The following CSMD2 variants were observed in gnomAD, a reference collection of about 807,000 sequenced individuals.
CSMD2 encodes the protein CUB and sushi domain-containing protein 2.
A neutral mutation model predicts 398.5 loss-of-function variants in CSMD2; 130 were observed. That is an observed-to-expected ratio of 0.33 (90% CI 0.28 to 0.38). CSMD2 has a LOEUF of 0.38. Among genes scored for constraint, CSMD2 ranks in the 10% least tolerant of loss-of-function variants. CSMD2 has a pLI of 1.00. For synonymous variants in CSMD2, 1,828 were observed against 1,908.5 expected (o/e 0.96, Z 1.10); for missense variants, 3,829 against 4,764.9 (o/e 0.80, Z 5.78).
At chr1:33,882,603 G>A (rs1014725434) in intron 5 of CSMD2, among the ~76,000 whole-genome samples, 2 of 152,184 alleles carry the variant, frequency 1.3e-5, no homozygotes, top group African/African-American at 2.4e-5. Flanking sequence ...CCCCATTAAT[G>A]CCATGAGTTC....
At chr1:34,102,523 C>A (rs1660054426) in intron 1 of CSMD2, among the ~76,000 whole-genome samples, 1 of 152,132 alleles carries the variant, frequency 6.6e-6, no homozygotes, top group Non-Finnish European at 1.5e-5. Context: ...CTGTCCACCT[C>A]TTCTCCTATC....
chr1:33,786,286 T>C (rs775679376), intron 12 of CSMD2, among the ~76,000 whole-genome samples: 1 of 152,182 alleles, frequency 6.6e-6, no homozygotes. Flanking sequence ...GAGGATGACA[T>C]GGAATCATTT....
chr1:34,120,428 A>G (rs1662059235), intron 1 of CSMD2, among the ~76,000 whole-genome samples: 1 of 152,252 alleles, frequency 6.6e-6, no homozygotes, highest in Non-Finnish European at 1.5e-5. Context: ...TGGTTAAGAC[A>G]GTAAATTTTA....
rs148396560 is a variant in CSMD2, at chr1:33,564,694, T to C, written c.8380+2899A>G. Reference sequence around the variant, plus strand: ...CTGGGACTACAAGCACAAGCTACAATATCTGGCTTGGGTCTTGCTTTCTGT... The same window carrying C: ...CTGGGACTACAAGCACAAGCTACAACATCTGGCTTGGGTCTTGCTTTCTGT... On this transcript the variant is annotated intron_variant, in intron 53 of 70. Transcript: ENST00000373381. Among the ~76,000 whole-genome samples, 1,293 of 152,316 alleles carry C rather than the reference T, an allele frequency of 8.5e-3. 14 individuals are homozygous for C. Among genetic ancestry groups the C allele is most frequent in the African/African-American group, 0.029 (1,206 of 41,564 alleles).
At chr1:33,681,526 G>A (rs1428758905) in intron 25 of CSMD2, among the ~76,000 whole-genome samples, 2 of 152,142 alleles carry the variant, frequency 1.3e-5, no homozygotes, top group African/African-American at 4.8e-5. Context: ...AGGGACTAGA[G>A]GCCCAAGTTA....
At chr1:33,888,220 G>A (rs1350862346) in intron 5 of CSMD2, among the ~76,000 whole-genome samples, 1 of 152,072 alleles carries the variant, frequency 6.6e-6, no homozygotes, top group Non-Finnish European at 1.5e-5. Flanking sequence ...AAATTTCAAC[G>A]AAAGTCACAG....
At chr1:34,021,329 C>G (rs558785442) in intron 3 of CSMD2, among the ~76,000 whole-genome samples, 24 of 152,316 alleles carry the variant, frequency 1.6e-4, no homozygotes, top group African/African-American at 5.5e-4. Flanking sequence ...CCAACAGGGT[C>G]ACCTGACCCA....
chr1:34,103,447 C>T (rs1032026762), intron 1 of CSMD2, among the ~76,000 whole-genome samples: 12 of 152,012 alleles, frequency 7.9e-5, no homozygotes, highest in Middle Eastern at 3.4e-3. Flanking sequence ...TACCGGCACC[C>T]GCCACCACGC....
intron 1 of CSMD2, among the ~76,000 whole-genome samples, chr1:34,157,504 C>T (rs1640914175): frequency 6.6e-6 from 1 of 150,816 alleles, no homozygotes; most frequent in Non-Finnish European, 1.5e-5. Flanking sequence ...ATACATCTCA[C>T]CTCCCCTCCA....
intron 2 of CSMD2, among the ~76,000 whole-genome samples, chr1:34,051,085 A>C (rs1293637517): frequency 6.6e-6 from 1 of 152,228 alleles, no homozygotes. Context: ...CCAAACAGAA[A>C]TGGGACTGCT....
intron 44 of CSMD2, among the ~76,000 whole-genome samples, chr1:33,596,553 A>G (rs1317181882): frequency 6.6e-6 from 1 of 152,208 alleles, no homozygotes; most frequent in East Asian, 1.9e-4. Flanking sequence ...ATGGCTGGGG[A>G]GGCCTTAGGA....
chr1:33,525,670 T>C, intron 65 of CSMD2, among the ~76,000 whole-genome samples: 1 of 152,210 alleles, frequency 6.6e-6, no homozygotes, highest in East Asian at 1.9e-4. Context: ...TATTGTACAT[T>C]TCAAAATTGC....
At chr1:34,155,137 T>A (rs1356370362) in intron 1 of CSMD2, among the ~76,000 whole-genome samples, 3 of 152,166 alleles carry the variant, frequency 2.0e-5, no homozygotes, top group Non-Finnish European at 1.5e-5. Context: ...ACTTTGTAAA[T>A]AAGAGAGAAG....
intron 28 of CSMD2, among the ~76,000 whole-genome samples, chr1:33,648,896 A>G (rs1308879988): frequency 6.6e-6 from 1 of 152,198 alleles, no homozygotes; most frequent in African/African-American, 2.4e-5. Context: ...TCTTCCGTTA[A>G]TAAAGTAAAA....
chr1:33,790,061 C>G (rs527712731), intron 11 of CSMD2, among the ~76,000 whole-genome samples: 1 of 152,260 alleles, frequency 6.6e-6, no homozygotes, highest in South Asian at 2.1e-4. Flanking sequence ...TGTCAAAGCA[C>G]ATTGGGATTG....
At chr1:33,942,584 C>T (rs1229237322) in intron 3 of CSMD2, among the ~76,000 whole-genome samples, 2 of 152,242 alleles carry the variant, frequency 1.3e-5, no homozygotes, top group African/African-American at 4.8e-5. Flanking sequence ...GATTCTGCAA[C>T]CTTCAGCATC....
At chr1:33,594,476 C>CA (rs2148779502) in intron 44 of CSMD2, among the ~76,000 whole-genome samples, 1 of 152,308 alleles carries the variant, frequency 6.6e-6, no homozygotes, top group Non-Finnish European at 1.5e-5. Context: ...CTCACCCTTA[C>CA]AAGTTGAAAA....
intron 3 of CSMD2, among the ~76,000 whole-genome samples, chr1:33,981,968 C>T (rs984021301): frequency 2.6e-5 from 4 of 152,066 alleles, no homozygotes; most frequent in African/African-American, 7.2e-5. Context: ...CACTGGGTGC[C>T]CTGATCAGAG....
intron 65 of CSMD2, 43 bp downstream of exon 65, chr1:33,527,153 A>G: frequency 3.8e-6 from 6 of 1,564,184 alleles, no homozygotes; most frequent in Non-Finnish European, 5.3e-6. Flanking sequence ...GTGTGAAAAA[A>G]GTAACACCAG....
Sources: gnomAD v4.1 joint callset for allele counts (sites outside exome capture counted in the v4.1 genomes callset) on GRCh38, gnomAD v4.1.1 for gene constraint, MANE v1.5 for transcripts, NCBI Gene and HGNC (gene_info 2026-07-23, HGNC 2026-07-21) for gene names.